Variants in RCAN2 observed in about 807,000 individuals in gnomAD.
RCAN2 encodes the protein calcipressin-2.
In RCAN2, 9 loss-of-function variants were observed where a neutral mutation model predicts 23.6. The ratio of observed to expected loss-of-function variants is 0.38; its 90% confidence interval spans 0.23 to 0.67. The LOEUF (loss-of-function observed/expected upper bound fraction) is 0.67, where lower values mean the gene tolerates loss of function less well. Among genes scored for constraint, RCAN2 ranks in the 30% least tolerant of loss-of-function variants. The pLI is 0.51. For synonymous variants in RCAN2, 109 were observed against 115.7 expected, an observed-to-expected ratio of 0.94 and a Z score of 0.37; for missense variants, 273 against 302.3, an observed-to-expected ratio of 0.90 and a Z score of 0.72.
chr6:46,389,756 C>T (rs765205490), intron 2 of RCAN2, among the ~76,000 whole-genome samples: 22 of 152,288 alleles, frequency 1.4e-4, no homozygotes, highest in Admixed American at 4.6e-4. Context: ...CTGCTCAGGA[C>T]TCATTCAGAT....
intron 1 of RCAN2, among the ~76,000 whole-genome samples, chr6:46,473,470 A>T (rs917471739): frequency 1.3e-5 from 2 of 152,176 alleles, no homozygotes; most frequent in African/African-American, 4.8e-5. Context: ...TTAAACAATA[A>T]ACTATTACCT....
At chr6:46,403,959 C>T (rs764429240) in intron 2 of RCAN2, among the ~76,000 whole-genome samples, 21 of 152,102 alleles carry the variant, frequency 1.4e-4, no homozygotes, top group African/African-American at 1.7e-4. Context: ...CGCTGGCTCA[C>T]GCCTGTAATC....
chr6:46,488,916 G>C (rs1282112491), intron 1 of RCAN2, among the ~76,000 whole-genome samples: 2 of 152,136 alleles, frequency 1.3e-5, no homozygotes, highest in Non-Finnish European at 2.9e-5. Flanking sequence ...ATGGTCTAAA[G>C]TCTCCTCATT....
intron 4 of RCAN2, among the ~76,000 whole-genome samples, chr6:46,233,819 C>G (rs1374825464): frequency 6.6e-6 from 1 of 151,790 alleles, no homozygotes; most frequent in African/African-American, 2.4e-5. Flanking sequence ...CCTCTGCCTC[C>G]TGGGTTCAAA....
intron 2 of RCAN2, among the ~76,000 whole-genome samples, chr6:46,385,208 G>A (rs988911432): frequency 1.3e-5 from 2 of 152,182 alleles, no homozygotes; most frequent in African/African-American, 4.8e-5. Flanking sequence ...ACAGGAGGAT[G>A]ACTCCAACCC....
chr6:46,306,153 A>G (rs1170068069), intron 2 of RCAN2, among the ~76,000 whole-genome samples: 1 of 152,136 alleles, frequency 6.6e-6, no homozygotes, highest in Non-Finnish European at 1.5e-5. Flanking sequence ...TGCCAATGGC[A>G]GTGTGGCATC....
chr6:46,334,406 A>G (rs1764078758), intron 2 of RCAN2, among the ~76,000 whole-genome samples: 1 of 152,204 alleles, frequency 6.6e-6, no homozygotes, highest in Admixed American at 6.5e-5. Context: ...GAATGAATGA[A>G]TGGAATTCTT....
chr6:46,321,473 T>C (rs1763616215), intron 2 of RCAN2, among the ~76,000 whole-genome samples: 1 of 152,244 alleles, frequency 6.6e-6, no homozygotes, highest in African/African-American at 2.4e-5. Context: ...CTTATAAGAT[T>C]TGTCATGTTT....
chr6:46,314,902 A>C (rs1763385570), intron 2 of RCAN2, among the ~76,000 whole-genome samples: 1 of 152,142 alleles, frequency 6.6e-6, no homozygotes, highest in African/African-American at 2.4e-5. Flanking sequence ...CGCTACAAAA[A>C]ATACAAAAGT....
At chr6:46,395,714 T>C (rs1483484127) in intron 2 of RCAN2, among the ~76,000 whole-genome samples, 1 of 152,236 alleles carries the variant, frequency 6.6e-6, no homozygotes. Context: ...ATCCCTTCTC[T>C]ACTCCACAGG....
At position 46,277,648 on chromosome 6, in the gene RCAN2, A is replaced by T. The variant is rs1170413997; in HGVS notation, c.226-28752T>A. Among the ~76,000 whole-genome samples the T allele has an allele frequency of 2.6e-5, 4 of 152,002 alleles. No homozygotes were observed. In the South Asian group the frequency reaches 6.2e-4, roughly 24 times the overall value. On this transcript the variant is annotated intron_variant, in intron 2 of 4. Transcript: ENST00000371374. ...ACTTAATTTTTTTTGGTCTATAAAG[A>T]AGGAACAGTTCCTGCACCCCCTTTC...
intron 2 of RCAN2, among the ~76,000 whole-genome samples, chr6:46,402,968 T>C (rs1357476867): frequency 8.1e-6 from 1 of 124,066 alleles, no homozygotes; most frequent in East Asian, 2.0e-4. Context: ...ACATTTGAAT[T>C]TTTTTTTTTT....
chr6:46,303,916 T>C (rs1468978124), intron 2 of RCAN2, among the ~76,000 whole-genome samples: 1 of 152,148 alleles, frequency 6.6e-6, no homozygotes, highest in African/African-American at 2.4e-5. Context: ...GCTGTAAACA[T>C]CCTTGTCCAT....
chr6:46,340,443 C>A (rs900581991), intron 2 of RCAN2, among the ~76,000 whole-genome samples: 5 of 152,212 alleles, frequency 3.3e-5, no homozygotes, highest in Admixed American at 1.3e-4. Flanking sequence ...GATCACGTGA[C>A]TGAGTTCTGG....
chr6:46,300,813 T>G (rs1341335437), intron 2 of RCAN2, among the ~76,000 whole-genome samples: 1 of 152,074 alleles, frequency 6.6e-6, no homozygotes, highest in Non-Finnish European at 1.5e-5. Flanking sequence ...AGATTTCATT[T>G]AGCTAGAAGA....
At chr6:46,296,160 G>T (rs1762724965) in intron 2 of RCAN2, among the ~76,000 whole-genome samples, 1 of 150,880 alleles carries the variant, frequency 6.6e-6, no homozygotes, top group African/African-American at 2.5e-5. Flanking sequence ...TGGGAAAGCT[G>T]GTCAGAGCAT....
At chr6:46,447,443 C>A (rs150586543) in intron 2 of RCAN2, among the ~76,000 whole-genome samples, 2 of 151,786 alleles carry the variant, frequency 1.3e-5, no homozygotes, top group Admixed American at 6.6e-5. Context: ...ATAATCCAGA[C>A]AGAATATCAA....
At chr6:46,347,726 G>T (rs1582129189) in intron 2 of RCAN2, among the ~76,000 whole-genome samples, 1 of 150,918 alleles carries the variant, frequency 6.6e-6, no homozygotes, top group African/African-American at 2.4e-5. Flanking sequence ...ATCTATCAAA[G>T]ATTTCTGCCA....
chr6:46,249,299 C>A (rs907504867), intron 2 of RCAN2, among the ~76,000 whole-genome samples: 3 of 137,592 alleles, frequency 2.2e-5, no homozygotes, highest in Non-Finnish European at 4.7e-5. Flanking sequence ...GGGCACTTTT[C>A]TTTTTCTTTC....
Sources: gnomAD v4.1 joint callset for allele counts (sites outside exome capture counted in the v4.1 genomes callset) on GRCh38, gnomAD v4.1.1 for gene constraint, MANE v1.5 for transcripts, NCBI Gene and HGNC (gene_info 2026-07-23, HGNC 2026-07-21) for gene names.